Variants in DLGAP2 observed in about 807,000 individuals in gnomAD.
DLGAP2 encodes disks large-associated protein 2.
In DLGAP2, 26 loss-of-function variants were observed where a neutral mutation model predicts 100.3. The observed-to-expected ratio is 0.26, with a 90% CI of 0.19 to 0.36. The LOEUF (loss-of-function observed/expected upper bound fraction) is 0.36, where lower values mean the gene tolerates loss of function less well. DLGAP2 is among the 10% of genes least tolerant of loss of function. The probability of loss-of-function intolerance (pLI) is 1.00; values close to 1 mark genes in which losing one functional copy is unlikely to be tolerated. For missense variants in DLGAP2, 1,858 were observed against 1,453.2 expected (o/e 1.28, Z -4.53); for synonymous variants, 886 against 630.1 (o/e 1.41, Z -6.08).
chr8:1,299,045 C>G (rs913233853), intron 3 of DLGAP2, among the ~76,000 whole-genome samples: 12 of 152,210 alleles, frequency 7.9e-5, no homozygotes, highest in Non-Finnish European at 1.3e-4. Context: ...TCCGTCTAGA[C>G]CAGTGCTGCC....
Position 1,632,863 on chromosome 8 carries a change from G to C in DLGAP2, c.1627G>C (p.Val543Leu). 4 of 1,613,634 alleles carry C rather than the reference G, an allele frequency of 2.5e-6. No homozygotes were observed. The South Asian group carries it at 4.4e-5, about 18-fold the overall frequency. ...EAEINGQFESVCESVFSEVES... is the reference protein window; with the variant it reads ...EAEINGQFESLCESVFSEVES... The stretch of plus-strand genomic sequence containing the variant: ...GGAGATCAATGGGCAATTCGAGTCC[G>C]TGTGCGAGTCCGTCTTCAGTGAAGT... Residue 543 changes from valine to leucine, a missense_variant, in exon 8 of 15, where the codon GTG becomes CTG. Val to Leu is a conservative substitution (Grantham distance 32). Transcript: ENST00000637795.
intron 2 of DLGAP2, among the ~76,000 whole-genome samples, chr8:934,740 C>T (rs1392505427): frequency 4.6e-5 from 7 of 152,144 alleles, no homozygotes; most frequent in Non-Finnish European, 1.0e-4. Flanking sequence ...CCTGTGCCGG[C>T]TCTCGGGGAG....
chr8:1,596,000 C>T (rs1260812289), intron 6 of DLGAP2, among the ~76,000 whole-genome samples: 1 of 151,622 alleles, frequency 6.6e-6, no homozygotes, highest in Non-Finnish European at 1.5e-5. Context: ...TTAGGTGTAA[C>T]CCCTAATGCT....
intron 2 of DLGAP2, among the ~76,000 whole-genome samples, chr8:1,188,796 G>T (rs1797571550): frequency 3.3e-5 from 5 of 152,090 alleles, no homozygotes; most frequent in Admixed American, 3.3e-4. Flanking sequence ...AAGCTTTGGG[G>T]TGACCACCTG....
chr8:1,649,853 G>A (rs948987550), intron 8 of DLGAP2, among the ~76,000 whole-genome samples: 3 of 152,050 alleles, frequency 2.0e-5, no homozygotes, highest in Non-Finnish European at 4.4e-5. Context: ...TATTTATTTG[G>A]TTTTGGAAGC....
At chr8:856,850 T>A (rs1421666678) in intron 1 of DLGAP2, among the ~76,000 whole-genome samples, 1 of 152,230 alleles carries the variant, frequency 6.6e-6, no homozygotes. Context: ...CCCAGCATGT[T>A]ATTTTGTGGA....
intron 2 of DLGAP2, among the ~76,000 whole-genome samples, chr8:1,197,294 T>C (rs1797772647): frequency 6.6e-6 from 1 of 152,218 alleles, no homozygotes; most frequent in Admixed American, 6.5e-5. Context: ...CTATCACTTA[T>C]CCCTGTCCAT....
At chr8:1,086,725 G>A (rs1367282377) in intron 2 of DLGAP2, among the ~76,000 whole-genome samples, 2 of 152,126 alleles carry the variant, frequency 1.3e-5, no homozygotes, top group East Asian at 3.8e-4. Flanking sequence ...ATAAATATAT[G>A]TGCGCCCAAC....
chr8:1,352,505 C>A (rs533716975), intron 3 of DLGAP2, among the ~76,000 whole-genome samples: 1 of 152,252 alleles, frequency 6.6e-6, no homozygotes, highest in East Asian at 1.9e-4. Flanking sequence ...CCCAGACAGA[C>A]GTCTTAAGTG....
intron 3 of DLGAP2, among the ~76,000 whole-genome samples, chr8:1,491,147 A>G (rs1433892503): frequency 1.3e-5 from 2 of 150,444 alleles, no homozygotes; most frequent in East Asian, 3.9e-4. Context: ...AAAAAAATCC[A>G]GGACGCCCAG....
chr8:1,427,011 T>C (rs1300599883), intron 3 of DLGAP2, among the ~76,000 whole-genome samples: 1 of 152,194 alleles, frequency 6.6e-6, no homozygotes, highest in Non-Finnish European at 1.5e-5. Flanking sequence ...ATTTGAATAA[T>C]TTAAAGAAGA....
chr8:1,114,410 T>A (rs1033122900), intron 2 of DLGAP2, among the ~76,000 whole-genome samples: 1 of 152,182 alleles, frequency 6.6e-6, no homozygotes, highest in Admixed American at 6.5e-5. Context: ...ATCAGCTTCT[T>A]CCTGGTTCAG....
At chr8:1,637,903 C>T (rs966913150) in intron 8 of DLGAP2, among the ~76,000 whole-genome samples, 35 of 152,304 alleles carry the variant, frequency 2.3e-4, no homozygotes, top group Admixed American at 2.6e-4. Context: ...GGAGGCCTTC[C>T]GCCTGCAGGA....
At chr8:1,298,451 A>G (rs1316877763) in intron 3 of DLGAP2, among the ~76,000 whole-genome samples, 1 of 152,172 alleles carries the variant, frequency 6.6e-6, no homozygotes, top group Non-Finnish European at 1.5e-5. Context: ...GTACTGGGGT[A>G]TAAATACGGT....
chr8:1,079,119 C>G (rs542584519), intron 2 of DLGAP2, among the ~76,000 whole-genome samples: 2 of 152,266 alleles, frequency 1.3e-5, no homozygotes, highest in South Asian at 4.2e-4. Context: ...ATGGTGTCTT[C>G]TTGATTTATT....
intron 3 of DLGAP2, among the ~76,000 whole-genome samples, chr8:1,316,555 G>C (rs369121866): frequency 7.7e-6 from 1 of 129,898 alleles, no homozygotes; most frequent in South Asian, 2.6e-4. Flanking sequence ...GAGGCTGTGC[G>C]AGTGCAGCGT....
chr8:1,682,379 C>T (rs1798973171), intron 12 of DLGAP2, among the ~76,000 whole-genome samples: 2 of 152,124 alleles, frequency 1.3e-5, no homozygotes, highest in Non-Finnish European at 2.9e-5. Context: ...CCAGAATATT[C>T]TATAAATTAT....
intron 3 of DLGAP2, among the ~76,000 whole-genome samples, chr8:1,267,615 A>AAATAAAATAAAATAAAAT: frequency 8.3e-6 from 1 of 121,208 alleles, no homozygotes; most frequent in African/African-American, 3.8e-5. Context: ...AGATAAGATA[A>AAATAAAATAAAATAAAAT]GATAAGATAA....
intron 1 of DLGAP2, among the ~76,000 whole-genome samples, chr8:881,402 A>T (rs893620564): frequency 5.9e-5 from 9 of 152,126 alleles, no homozygotes; most frequent in Admixed American, 1.3e-4. Flanking sequence ...TCTGTTTTGG[A>T]AACAAAATTA....
Sources: gnomAD v4.1 joint callset for allele counts (sites outside exome capture counted in the v4.1 genomes callset) on GRCh38, gnomAD v4.1.1 for gene constraint, MANE v1.5 for transcripts, NCBI Gene and HGNC (gene_info 2026-07-23, HGNC 2026-07-21) for gene names.